Variants in KSR2 observed in about 807,000 individuals in gnomAD.
KSR2 encodes kinase suppressor of ras 2.
A neutral mutation model predicts 107.8 loss-of-function variants in KSR2; 25 were observed. The ratio of observed to expected loss-of-function variants is 0.23; its 90% CI spans 0.17 to 0.32. The LOEUF (loss-of-function observed/expected upper bound fraction) is 0.32, where lower values mean the gene tolerates loss of function less well. KSR2 is among the 10% of genes least tolerant of loss of function. KSR2 has a pLI of 1.00. For missense variants in KSR2, 887 were observed against 1,268.9 expected (o/e 0.70, Z 4.57); for synonymous variants, 480 against 507.0 (o/e 0.95, Z 0.71).
chr12:117,762,982 T>A (rs951081423), intron 3 of KSR2, among the ~76,000 whole-genome samples: 4 of 152,182 alleles, frequency 2.6e-5, no homozygotes, highest in African/African-American at 9.7e-5. Context: ...GTTGGTGTGC[T>A]GCACTCATTA....
At chr12:117,497,183 T>C (rs1093301) in intron 14 of KSR2, among the ~76,000 whole-genome samples, 29,770 of 152,030 alleles carry the variant, frequency 0.2, 3,213 homozygotes, top group African/African-American at 0.29. Context: ...AGGCCAAAGA[T>C]GTTTTCCTTA....
At chr12:117,589,578 G>T (rs1002653252) in intron 5 of KSR2, among the ~76,000 whole-genome samples, 2 of 152,182 alleles carry the variant, frequency 1.3e-5, no homozygotes, top group Admixed American at 6.5e-5. Context: ...GGGCCTAAAG[G>T]TAACTGAAAC....
intron 5 of KSR2, among the ~76,000 whole-genome samples, chr12:117,621,249 C>G (rs1175150294): frequency 6.6e-6 from 1 of 152,182 alleles, no homozygotes; most frequent in Non-Finnish European, 1.5e-5. Flanking sequence ...TCCCCTTCCA[C>G]CATAACTAAG....
In KSR2 at chr12:117,586,056, C is replaced by T. The variant is rs533923695; in HGVS notation, c.1172-3697G>A. 8.5e-5 allele frequency among the ~76,000 whole-genome samples: 13 copies of T among 152,316 alleles called. No individual in the cohort carries two copies. In the South Asian group the frequency reaches 2.7e-3, roughly 32 times the overall value. On this transcript the variant is annotated intron_variant, in intron 5 of 19. Coordinates refer to ENST00000339824, the MANE Select transcript of KSR2 (RefSeq NM_173598.6). ...CAGGAACCCTGGTCTTTGGAATCAC[C>T]TTAGCAGTCAGAGGGACAAACAGAA... is the stretch of plus-strand genomic sequence containing the variant.
At chr12:117,848,297 C>T (rs1217436148) in intron 3 of KSR2, among the ~76,000 whole-genome samples, 2 of 152,186 alleles carry the variant, frequency 1.3e-5, no homozygotes, top group African/African-American at 2.4e-5. Context: ...TGGCCCAGGA[C>T]AGGAAGGTCT....
chr12:117,725,291 G>A (rs1019162532), intron 4 of KSR2, among the ~76,000 whole-genome samples: 7 of 152,164 alleles, frequency 4.6e-5, no homozygotes, highest in Admixed American at 1.3e-4. Flanking sequence ...GGCCAGAGAG[G>A]TAAGACAGTG....
chr12:117,840,100 A>ATTT (rs60718801), intron 3 of KSR2, among the ~76,000 whole-genome samples: 3 of 133,050 alleles, frequency 2.3e-5, no homozygotes, highest in African/African-American at 5.7e-5. Context: ...ACTTTATTTT[A>ATTT]TTTTATTTTT....
intron 5 of KSR2, among the ~76,000 whole-genome samples, chr12:117,596,425 C>A (rs950122579): frequency 6.6e-6 from 1 of 152,112 alleles, no homozygotes; most frequent in Non-Finnish European, 1.5e-5. Flanking sequence ...AACCACATCA[C>A]CAGGCATCTC....
intron 7 of KSR2, among the ~76,000 whole-genome samples, chr12:117,576,024 C>CA (rs1565908219): frequency 1.3e-5 from 2 of 152,194 alleles, no homozygotes; most frequent in African/African-American, 2.4e-5. Flanking sequence ...CTTACCCCCC[C>CA]ACCCTATCCC....
chr12:117,591,861 TAGG>T, intron 5 of KSR2, among the ~76,000 whole-genome samples: 1 of 151,762 alleles, frequency 6.6e-6, no homozygotes, highest in East Asian at 2.0e-4. Context: ...ATACAAAAGT[TAGG>T]AGGGTGTGGT....
At chr12:117,681,795 T>C (rs184896584) in intron 4 of KSR2, among the ~76,000 whole-genome samples, 4 of 152,196 alleles carry the variant, frequency 2.6e-5, no homozygotes, top group Admixed American at 1.3e-4. Flanking sequence ...GGGGGAGAAA[T>C]AGAAACACTT....
chr12:117,595,057 C>T (rs1036565931), intron 5 of KSR2, among the ~76,000 whole-genome samples: 8 of 152,160 alleles, frequency 5.3e-5, no homozygotes, highest in Non-Finnish European at 1.2e-4. Flanking sequence ...CAGGCTCAGT[C>T]ACCATGAAAG....
intron 3 of KSR2, among the ~76,000 whole-genome samples, chr12:117,793,644 A>G (rs1322646721): frequency 6.8e-6 from 1 of 147,110 alleles, no homozygotes; most frequent in Non-Finnish European, 1.5e-5. Context: ...TCCCATGCAC[A>G]TATACACCAA....
intron 9 of KSR2, among the ~76,000 whole-genome samples, chr12:117,541,340 G>A (rs138346593): frequency 6.6e-6 from 1 of 152,182 alleles, no homozygotes; most frequent in Non-Finnish European, 1.5e-5. Flanking sequence ...AGGGAGGGAG[G>A]CAGGCAGGGA....
intron 4 of KSR2, among the ~76,000 whole-genome samples, chr12:117,705,644 T>C (rs1722700165): frequency 6.6e-6 from 1 of 152,158 alleles, no homozygotes; most frequent in South Asian, 2.1e-4. Context: ...TTACTGTCAG[T>C]CCCCAGAAAC....
At position 117,968,018 on chromosome 12, in the gene KSR2, A is replaced by G. The variant is rs1896846977; in HGVS notation, c.180+58T>C. 2.2e-6 allele frequency: 3 copies of G among 1,384,280 alleles called. No individual in the cohort carries two copies. The South Asian group carries it at 3.8e-5, about 17-fold the overall frequency. The allele number at this position is 1,384,280 out of a possible 1,614,324, so 85.7% of individuals were successfully genotyped here. A position where few individuals can be genotyped will look rare whatever the true frequency, so the allele number is the denominator to read the frequency against. On this transcript the variant is annotated intron_variant, in intron 1 of 19. Coordinates refer to ENST00000339824, the MANE Select transcript of KSR2 (RefSeq NM_173598.6). ...GGACCGTGGGGAGAAAGGAGGGGGA[A>G]AGAAGGATTGCTTTTTTTTTTTTTT... is the stretch of plus-strand genomic sequence containing the variant.
At chr12:117,689,569 ACAGT>A (rs1286466873) in intron 4 of KSR2, among the ~76,000 whole-genome samples, 12 of 152,270 alleles carry the variant, frequency 7.9e-5, no homozygotes, top group Admixed American at 4.6e-4. Flanking sequence ...ATTTACAAAA[ACAGT>A]CAGCAGGCCA....
At chr12:117,830,720 G>T (rs1271175847) in intron 3 of KSR2, among the ~76,000 whole-genome samples, 2 of 152,160 alleles carry the variant, frequency 1.3e-5, no homozygotes, top group African/African-American at 4.8e-5. Flanking sequence ...TTTAAGCTAT[G>T]AGTTAGCAAC....
intron 8 of KSR2, among the ~76,000 whole-genome samples, chr12:117,556,010 G>T (rs1233509853): frequency 4.6e-5 from 7 of 152,192 alleles, no homozygotes; most frequent in African/African-American, 1.4e-4. Flanking sequence ...GGAGGGTGTT[G>T]GTTGAGAAGT....
Sources: allele counts gnomAD v4.1 joint callset (sites outside exome capture counted in the v4.1 genomes callset), GRCh38; gene constraint gnomAD v4.1.1; transcripts MANE v1.5; gene names NCBI Gene and HGNC (gene_info 2026-07-23, HGNC 2026-07-21).